Variants in GALNT11 observed in about 807,000 individuals in gnomAD.
GALNT11 encodes the protein UDP-GalNAc:polypeptide N-acetylgalactosaminyltransferase 11.
GALNT11 carries 47 observed loss-of-function variants against 72.7 expected under a neutral mutation model. That is an observed-to-expected ratio of 0.65 (90% CI 0.51 to 0.82). The LOEUF (loss-of-function observed/expected upper bound fraction) is 0.82, where lower values mean the gene tolerates loss of function less well. Among genes scored for constraint, GALNT11 ranks in the 40% least tolerant of loss-of-function variants. The pLI, the probability that GALNT11 is intolerant of heterozygous loss-of-function variation, is 0.00. For synonymous variants in GALNT11, 270 were observed against 286.6 expected (o/e 0.94, Z 0.58); for missense variants, 677 against 778.4 (o/e 0.87, Z 1.55).
intron 7 of GALNT11, among the ~76,000 whole-genome samples, chr7:152,112,960 T>C (rs116638152): frequency 0.012 from 1,756 of 152,314 alleles, 36 homozygotes; most frequent in African/African-American, 0.041. Flanking sequence ...TCTCTTGATC[T>C]GTTAAAGCAA....
intron 1 of GALNT11, among the ~76,000 whole-genome samples, chr7:152,034,279 T>G (rs2082448781): frequency 1.3e-5 from 2 of 152,158 alleles, no homozygotes; most frequent in South Asian, 4.1e-4. Flanking sequence ...GGATGTAAAT[T>G]GCAAACTTTG....
At chr7:152,031,974 T>A (rs1262122823) in intron 1 of GALNT11, among the ~76,000 whole-genome samples, 1 of 152,190 alleles carries the variant, frequency 6.6e-6, no homozygotes, top group Non-Finnish European at 1.5e-5. Flanking sequence ...ATAGGCTGTA[T>A]TCGTTCCTTG....
chr7:152,116,880 T>G, intron 8 of GALNT11: 1 of 582,520 alleles, frequency 1.7e-6, no homozygotes. Context: ...TCTGTTTTAA[T>G]TTCTGTGTGA....
chr7:152,057,004 A>ATTTTTTTTTTTTT (rs71198754), intron 1 of GALNT11, among the ~76,000 whole-genome samples: 3 of 74,926 alleles, frequency 4.0e-5, no homozygotes, highest in African/African-American at 4.7e-5. Context: ...ATGCCCAGCT[A>ATTTTTTTTTTTTT]TTTTTTTTTT....
chr7:152,103,153 G>A lies in GALNT11; in HGVS notation c.461G>A (p.Ser154Asn), dbSNP rs1241785991. The change falls in exon 4 of 12, where the codon AGT (serine) becomes AAT (asparagine). Residue 154 changes from serine (S) to asparagine (N), a missense_variant. Transcript: ENST00000430044. Reference sequence around the variant, plus strand: ...TACCCACCTGACCTGCCAGCTGCTAGTGTTGTTATCTGTTTCTATAATGAA... The same window carrying A: ...TACCCACCTGACCTGCCAGCTGCTAATGTTGTTATCTGTTTCTATAATGAA... ...KFYPPDLPAA[S>N]VVICFYNEAF... 9 of 1,611,148 alleles carry A rather than the reference G, an allele frequency of 5.6e-6. No individual in the cohort carries two copies. Among genetic ancestry groups the A allele is most frequent in the Non-Finnish European group, 6.8e-6 (8 of 1,178,286 alleles).
intron 1 of GALNT11, among the ~76,000 whole-genome samples, chr7:152,060,164 A>G (rs2083918468): frequency 6.6e-6 from 1 of 152,180 alleles, no homozygotes; most frequent in African/African-American, 2.4e-5. Flanking sequence ...AGTTTCAAAC[A>G]TTTCTTCTGC....
rs1288672626 is a variant in GALNT11, at chr7:152,094,026, C to A, written c.-38-164C>A. The A allele has an allele frequency of 1.9e-6, 1 of 526,788 alleles. No individual in the cohort carries two copies. Among genetic ancestry groups the A allele is most frequent in the Non-Finnish European group, 3.1e-6 (1 of 318,490 alleles). The allele number at this position is 526,788 out of a possible 1,614,324, so 32.6% of individuals were successfully genotyped here. A position where few individuals can be genotyped will look rare whatever the true frequency, so the allele number is the denominator to read the frequency against. The stretch of plus-strand genomic sequence containing the variant: ...AGGCCTGAGGTTTTCATTGTTGAAC[C>A]CTTTTTAAAAACTCAGTACTATCCA... On this transcript the variant is annotated intron_variant, in intron 1 of 11. Coordinates refer to ENST00000430044, the MANE Select transcript of GALNT11 (RefSeq NM_022087.4). The surrounding 1 kb of genome is among the most constrained non-coding windows in gnomAD (Gnocchi z 4.3).
intron 8 of GALNT11, among the ~76,000 whole-genome samples, chr7:152,113,708 CTTTCTTTTTTTTTTTTTTTTTTTT>C (rs2088501819): frequency 1.1e-5 from 1 of 94,446 alleles, no homozygotes; most frequent in East Asian, 2.5e-4. Context: ...CAAAAGTTGG[CTTTCTTTTTTTTTTTTTTTTTTTT>C]TTTTTTTTTT....
Position 152,100,913 on chromosome 7 carries a change from G to T in GALNT11, c.411G>T (p.Arg137Ser). The change falls in exon 3 of 12, where the codon AGG becomes AGT. Residue 137 changes from arginine (R) to serine (S), a missense_variant. Physicochemically the swap from Arg to Ser is moderately radical, Grantham distance 110 (BLOSUM62 -1). Transcript: ENST00000430044. Reference sequence around the variant, plus strand: ...ACCACAGAGATGTGCCAGACACAAGGAATGCAGCGTATGTGCCTTATCGGA... The same window carrying T: ...ACCACAGAGATGTGCCAGACACAAGTAATGCAGCGTATGTGCCTTATCGGA... The part of the protein sequence containing the change: ...LGYHRDVPDT[R>S]NAACKEKFYP... 6.2e-7 allele frequency: 1 copy of T among 1,613,804 alleles called. No individual in the cohort carries two copies. The highest frequency in any genetic ancestry group is 8.5e-7 in the Non-Finnish European group (1 of 1,179,878).
intron 1 of GALNT11, among the ~76,000 whole-genome samples, chr7:152,070,153 C>T (rs938746714): frequency 2.6e-5 from 4 of 151,862 alleles, no homozygotes; most frequent in Non-Finnish European, 4.4e-5. Flanking sequence ...CCCGCCACCA[C>T]GCCCAGCTAA....
At chr7:152,028,164 C>T (rs142515714) in intron 1 of GALNT11, among the ~76,000 whole-genome samples, 1,784 of 152,262 alleles carry the variant, frequency 0.012, 36 homozygotes, top group African/African-American at 0.041. Context: ...GAAGGGGACC[C>T]GAGCAGGTTG....
intron 6 of GALNT11, 125 bp downstream of exon 6, chr7:152,108,412 AAAATTCTTGAGTACGTATTG>A: frequency 7.1e-7 from 1 of 1,408,352 alleles, no homozygotes; most frequent in Non-Finnish European, 9.5e-7. Flanking sequence ...TTGTACGTTA[AAAATTCTTGAGTACGTATTG>A]AATTTTATGC....
intron 1 of GALNT11, among the ~76,000 whole-genome samples, chr7:152,042,363 G>A (rs2082903186): frequency 1.3e-5 from 2 of 152,152 alleles, no homozygotes. Flanking sequence ...CCGTTTACCT[G>A]ATTTTTTCTT....
At chr7:152,107,979 GGTTGTACCTAAATTGAGT>G (rs1379420183) in intron 5 of GALNT11, 41 bp from the exon 6 acceptor site, 2 of 1,554,970 alleles carry the variant, frequency 1.3e-6, no homozygotes, top group East Asian at 4.5e-5. Flanking sequence ...TTGGACGGGT[GGTTGTACCTAAATTGAGT>G]GTTGTGACAC....
intron 1 of GALNT11, among the ~76,000 whole-genome samples, chr7:152,051,684 A>G (rs1238712566): frequency 6.6e-6 from 1 of 152,192 alleles, no homozygotes; most frequent in Non-Finnish European, 1.5e-5. Context: ...TTAAAAAATC[A>G]TGTTTTCCTT....
chr7:152,026,493 C>T (rs1015489404), intron 1 of GALNT11, among the ~76,000 whole-genome samples: 8 of 152,200 alleles, frequency 5.3e-5, no homozygotes, highest in Non-Finnish European at 1.0e-4. Context: ...GGAATTGCAC[C>T]CTGGCAGTGT....
At chr7:152,105,608 AC>A (rs1313870271) in intron 5 of GALNT11, among the ~76,000 whole-genome samples, 1 of 152,164 alleles carries the variant, frequency 6.6e-6, no homozygotes, top group East Asian at 1.9e-4. Flanking sequence ...TTTCATAGCA[AC>A]CCTTCTTTGA....
At chr7:152,075,870 G>A (rs1278410451) in intron 1 of GALNT11, among the ~76,000 whole-genome samples, 1 of 151,288 alleles carries the variant, frequency 6.6e-6, no homozygotes, top group African/African-American at 2.4e-5. Context: ...GACCATCCTG[G>A]CTAACACACT....
At chr7:152,079,614 C>G (rs1410488532) in intron 1 of GALNT11, among the ~76,000 whole-genome samples, 1 of 152,218 alleles carries the variant, frequency 6.6e-6, no homozygotes, top group Admixed American at 6.5e-5. Flanking sequence ...TCCCAGGGAG[C>G]ATATGATGTC....
Sources: gnomAD v4.1 joint callset for allele counts (sites outside exome capture counted in the v4.1 genomes callset) on GRCh38, gnomAD v4.1.1 for gene constraint, Gnocchi (gnomAD v3.1) non-coding constraint, MANE v1.5 for transcripts, NCBI Gene and HGNC (gene_info 2026-07-23, HGNC 2026-07-21) for gene names.